The following OPCML variants were observed in gnomAD, a reference collection of about 807,000 sequenced individuals.
OPCML encodes the protein opioid-binding protein/cell adhesion molecule.
In OPCML, 13 loss-of-function variants were observed where a neutral mutation model predicts 37.8. The observed-to-expected ratio is 0.34, with a 90% CI of 0.22 to 0.55. The LOEUF is 0.55. OPCML is among the 20% of genes least tolerant of loss of function. The pLI is 0.91. For synonymous variants in OPCML, 176 were observed against 168.8 expected, an observed-to-expected ratio of 1.04 and a Z score of -0.33; for missense variants, 341 against 435.6, an observed-to-expected ratio of 0.78 and a Z score of 1.93.
At chr11:132,702,619 G>GT (rs1395233471) in intron 2 of OPCML, among the ~76,000 whole-genome samples, 2 of 152,044 alleles carry the variant, frequency 1.3e-5, no homozygotes, top group Non-Finnish European at 2.9e-5. Flanking sequence ...GATTTGGGAA[G>GT]TTTTTTGTCA....
intron 2 of OPCML, among the ~76,000 whole-genome samples, chr11:132,891,292 G>C (rs1228613317): frequency 6.6e-6 from 1 of 152,068 alleles, no homozygotes; most frequent in African/African-American, 2.4e-5. Context: ...TCTCCTACCA[G>C]ACCCAAGCTC....
chr11:133,119,185 T>C (rs1451366406), intron 1 of OPCML, among the ~76,000 whole-genome samples: 1 of 152,102 alleles, frequency 6.6e-6, no homozygotes, highest in African/African-American at 2.4e-5. Context: ...ACAAACATAC[T>C]GGCCAGGAGA....
chr11:132,759,577 T>C (rs2136092919), intron 2 of OPCML, among the ~76,000 whole-genome samples: 1 of 152,262 alleles, frequency 6.6e-6, no homozygotes, highest in South Asian at 2.1e-4. Context: ...GATTTTCTAG[T>C]TTATTTGTGT....
intron 2 of OPCML, among the ~76,000 whole-genome samples, chr11:132,908,435 A>G (rs959835158): frequency 3.3e-5 from 5 of 152,192 alleles, no homozygotes; most frequent in Non-Finnish European, 5.9e-5. Flanking sequence ...CTATAAACAC[A>G]TTATTTTCCA....
chr11:132,793,110 C>G (rs544025054), intron 2 of OPCML, among the ~76,000 whole-genome samples: 1 of 152,286 alleles, frequency 6.6e-6, no homozygotes, highest in South Asian at 2.1e-4. Context: ...TCCTCCTAGA[C>G]AGATGGGCCC....
chr11:133,414,780 C>A (rs948924713), intron 1 of OPCML, among the ~76,000 whole-genome samples: 2 of 152,130 alleles, frequency 1.3e-5, no homozygotes, highest in East Asian at 1.9e-4. Context: ...CATTTGAAAG[C>A]ACTTCCCTGG....
At chr11:133,013,065 AC>A (rs1044507094) in intron 1 of OPCML, among the ~76,000 whole-genome samples, 7 of 152,278 alleles carry the variant, frequency 4.6e-5, no homozygotes, top group Middle Eastern at 3.4e-3. Context: ...CAACAAGAAA[AC>A]AAGGAGAAGT....
At chr11:133,475,082 T>C (rs1947209978) in intron 1 of OPCML, among the ~76,000 whole-genome samples, 1 of 152,302 alleles carries the variant, frequency 6.6e-6, no homozygotes, top group Admixed American at 6.5e-5. Flanking sequence ...GCTGCTCTTC[T>C]ATACCCTGTT....
intron 1 of OPCML, among the ~76,000 whole-genome samples, chr11:133,481,012 C>T (rs1947360173): frequency 1.3e-5 from 2 of 152,198 alleles, no homozygotes; most frequent in South Asian, 2.1e-4. Flanking sequence ...GGCCCAGGCA[C>T]TTGGGGGCTC....
chr11:133,363,657 T>C (rs1944471693), intron 1 of OPCML, among the ~76,000 whole-genome samples: 1 of 152,074 alleles, frequency 6.6e-6, no homozygotes, highest in South Asian at 2.1e-4. Context: ...AAGCAACACC[T>C]CAAGCAGGTG....
chr11:132,786,086 C>T (rs181560474), intron 2 of OPCML, among the ~76,000 whole-genome samples: 62 of 152,112 alleles, frequency 4.1e-4, no homozygotes, highest in Non-Finnish European at 7.2e-4. Context: ...CTCAGCACCC[C>T]GCTTTCCACC....
At chr11:132,699,057 T>C (rs1000879543) in intron 2 of OPCML, among the ~76,000 whole-genome samples, 4 of 152,102 alleles carry the variant, frequency 2.6e-5, no homozygotes, top group African/African-American at 7.2e-5. Context: ...TCTCTTATAG[T>C]TTTCAGTGTA....
intron 1 of OPCML, chr11:133,004,505 G>T (rs1023261187): frequency 3.2e-5 from 32 of 985,454 alleles, no homozygotes; most frequent in Non-Finnish European, 3.7e-5. Context: ...GATGCCCTCT[G>T]CAGACGACCG....
intron 1 of OPCML, chr11:133,005,101 A>G: frequency 2.0e-6 from 2 of 985,328 alleles, no homozygotes; most frequent in Non-Finnish European, 2.4e-6. Flanking sequence ...GCTTCCCATG[A>G]AGTTTAGAAT....
At chr11:133,102,512 G>A (rs1250376266) in intron 1 of OPCML, among the ~76,000 whole-genome samples, 1 of 152,190 alleles carries the variant, frequency 6.6e-6, no homozygotes, top group Non-Finnish European at 1.5e-5. Context: ...ACTTTGGGAG[G>A]CCGAGGTGGG....
At chr11:133,066,580 T>C (rs1385867326) in intron 1 of OPCML, 1 of 152,244 alleles carries the variant, frequency 6.6e-6, no homozygotes. Context: ...TGCAAGTCAT[T>C]GGAAGACCCT....
chr11:132,703,981 T>C (rs2135930638), intron 2 of OPCML, among the ~76,000 whole-genome samples: 1 of 152,272 alleles, frequency 6.6e-6, no homozygotes, highest in South Asian at 2.1e-4. Context: ...CCATGGTGGA[T>C]GACTTGGAAC....
intron 1 of OPCML, among the ~76,000 whole-genome samples, chr11:133,491,693 G>A (rs772633759): frequency 1.3e-5 from 2 of 152,154 alleles, no homozygotes; most frequent in Non-Finnish European, 2.9e-5. Flanking sequence ...AAATCTTCTC[G>A]TTGATCCCTT....
intron 1 of OPCML, among the ~76,000 whole-genome samples, chr11:133,245,549 T>C (rs1390859661): frequency 2.6e-5 from 4 of 152,184 alleles, no homozygotes; most frequent in Admixed American, 6.5e-5. Flanking sequence ...AATCCTGGAA[T>C]GACTGAGTTA....
Sources: allele counts gnomAD v4.1 joint callset (sites outside exome capture counted in the v4.1 genomes callset), GRCh38; gene constraint gnomAD v4.1.1; transcripts MANE v1.5; gene names NCBI Gene and HGNC (gene_info 2026-07-23, HGNC 2026-07-21).